Variants in STON2 observed in about 807,000 individuals in gnomAD.
The protein encoded by STON2 is stonin-2.
STON2 carries 29 observed loss-of-function variants against 65.7 expected under a neutral mutation model. That is an observed-to-expected ratio of 0.44 (90% CI 0.33 to 0.60). STON2 has a LOEUF of 0.60. Ranked by LOEUF, STON2 falls within the 20% of genes least tolerant of loss-of-function variation. The pLI is 0.03. For missense variants in STON2, 1,054 were observed against 1,118.1 expected (o/e 0.94, Z 0.82); for synonymous variants, 404 against 414.2 (o/e 0.98, Z 0.30).
intron 5 of STON2, among the ~76,000 whole-genome samples, chr14:81,311,660 T>C (rs1392212296): frequency 2.6e-5 from 4 of 152,204 alleles, no homozygotes; most frequent in African/African-American, 7.2e-5. Flanking sequence ...GAGCTGAGAT[T>C]TAACAGAGGC....
chr14:81,435,270 T>C (rs546110613), intron 1 of STON2, among the ~76,000 whole-genome samples: 1 of 152,326 alleles, frequency 6.6e-6, no homozygotes, highest in South Asian at 2.1e-4. Flanking sequence ...TAGCATTTTT[T>C]TCCTTTCAAG....
intron 4 of STON2, among the ~76,000 whole-genome samples, chr14:81,334,657 T>C (rs576605808): frequency 4.6e-5 from 7 of 152,264 alleles, no homozygotes; most frequent in South Asian, 2.1e-4. Flanking sequence ...ATGAAGCACA[T>C]TGGCTGTTGT....
chr14:81,288,617 G>A (rs1189242946), intron 5 of STON2, among the ~76,000 whole-genome samples: 1 of 152,196 alleles, frequency 6.6e-6, no homozygotes, highest in African/African-American at 2.4e-5. Context: ...CTGTACTTAT[G>A]AGCCGATCAA....
At chr14:81,404,807 T>A (rs760019753), upstream of STON2, among the ~76,000 whole-genome samples, 2 of 152,218 alleles carry the variant, frequency 1.3e-5, no homozygotes, top group African/African-American at 2.4e-5. Flanking sequence ...GCACCTGGCC[T>A]CATGGTATAT....
intron 5 of STON2, among the ~76,000 whole-genome samples, chr14:81,285,579 C>T (rs567493080): frequency 1.3e-5 from 2 of 152,298 alleles, no homozygotes; most frequent in East Asian, 1.9e-4. Flanking sequence ...CCACTGCACT[C>T]GGCCTCATGA....
intron 5 of STON2, among the ~76,000 whole-genome samples, chr14:81,297,604 T>C (rs779648949): frequency 3.3e-5 from 5 of 152,214 alleles, no homozygotes; most frequent in Non-Finnish European, 7.3e-5. Flanking sequence ...AAATATGGCA[T>C]GCTATATGAT....
At chr14:81,291,358 A>G (rs1423312366) in intron 5 of STON2, among the ~76,000 whole-genome samples, 1 of 152,218 alleles carries the variant, frequency 6.6e-6, no homozygotes, top group African/African-American at 2.4e-5. Context: ...TAAAGGAAGT[A>G]TTAAGTCATG....
chr14:81,426,956 G>T (rs1388369602), intron 2 of STON2: 5 of 152,114 alleles, frequency 3.3e-5, no homozygotes, highest in Admixed American at 3.3e-4. Flanking sequence ...AAACACTTAC[G>T]TAACACTTCT....
At chr14:81,353,154 TAAG>T (rs1898089823) in intron 4 of STON2, among the ~76,000 whole-genome samples, 1 of 152,066 alleles carries the variant, frequency 6.6e-6, no homozygotes, top group African/African-American at 2.4e-5. Flanking sequence ...AAAATTCAAA[TAAG>T]AACAGGAAAA....
At chr14:81,317,966 T>C (rs1035423354) in intron 5 of STON2, among the ~76,000 whole-genome samples, 1 of 150,844 alleles carries the variant, frequency 6.6e-6, no homozygotes, top group East Asian at 1.9e-4. Flanking sequence ...TATTTTTTTA[T>C]TTTGGGGGTG....
intron 4 of STON2, among the ~76,000 whole-genome samples, chr14:81,339,929 T>C (rs745941257): frequency 9.9e-5 from 15 of 151,838 alleles, no homozygotes; most frequent in Non-Finnish European, 1.9e-4. Flanking sequence ...CCAAGGCAGG[T>C]AGATCACGAG....
At chr14:81,280,911 G>A (rs1294984735) in intron 5 of STON2, among the ~76,000 whole-genome samples, 8 of 151,616 alleles carry the variant, frequency 5.3e-5, no homozygotes, top group African/African-American at 1.5e-4. Flanking sequence ...TTCGGGAGGC[G>A]GAGGCAGGAG....
At chr14:81,340,610 G>C (rs1217297405) in intron 4 of STON2, among the ~76,000 whole-genome samples, 3 of 152,170 alleles carry the variant, frequency 2.0e-5, no homozygotes, top group Admixed American at 6.5e-5. Context: ...AGTAAGCTGT[G>C]GCCAGGCCCT....
intron 4 of STON2, among the ~76,000 whole-genome samples, chr14:81,328,355 G>A (rs1180467799): frequency 6.6e-6 from 1 of 152,138 alleles, no homozygotes; most frequent in African/African-American, 2.4e-5. Context: ...GAATGGAAAA[G>A]GGCATGATTT....
chr14:81,419,132 G>A (rs893706209), intron 2 of STON2, among the ~76,000 whole-genome samples: 1 of 151,952 alleles, frequency 6.6e-6, no homozygotes, highest in Non-Finnish European at 1.5e-5. Context: ...ATTTTAAAGA[G>A]GGAATATTAA....
intron 2 of STON2, among the ~76,000 whole-genome samples, chr14:81,397,075 C>A (rs558985912): frequency 3.2e-4 from 48 of 152,110 alleles, no homozygotes; most frequent in African/African-American, 8.4e-4. Flanking sequence ...ACAACAACAA[C>A]AAAAAAACTA....
chr14:81,363,083 C>A (rs1898566096), intron 4 of STON2, among the ~76,000 whole-genome samples: 1 of 152,222 alleles, frequency 6.6e-6, no homozygotes, highest in Non-Finnish European at 1.5e-5. Context: ...GTATACCAGG[C>A]ACAGGGCAGG....
chr14:81,386,617 C>T (rs930959736), intron 3 of STON2, among the ~76,000 whole-genome samples: 9 of 152,070 alleles, frequency 5.9e-5, no homozygotes, highest in African/African-American at 2.2e-4. Context: ...ACAAAAGTTC[C>T]GGAAATGAAA....
Position 81,265,486 on chromosome 14 carries a change from C to T in STON2, c.*2928G>A. 1.0e-5 allele frequency: 4 copies of T among 394,516 alleles called. No individual in the cohort carries two copies. The highest frequency in any genetic ancestry group is 1.4e-5 in the Non-Finnish European group (4 of 290,344). The allele number at this position is 394,516 out of a possible 1,614,324, so 24.4% of individuals were successfully genotyped here. A position where few individuals can be genotyped will look rare whatever the true frequency, so the allele number is the denominator to read the frequency against. On this transcript the variant is annotated 3_prime_UTR_variant, in exon 8 of 8. Coordinates refer to ENST00000614646, the MANE Select transcript of STON2 (RefSeq NM_001394390.1). ...CCTGGCCAACATGGTGAAACCCCAT[C>T]TCTACTAAAAATACATAAATTAGTG...
Sources: gnomAD v4.1 joint callset for allele counts (sites outside exome capture counted in the v4.1 genomes callset) on GRCh38, gnomAD v4.1.1 for gene constraint, MANE v1.5 for transcripts, NCBI Gene and HGNC (gene_info 2026-07-23, HGNC 2026-07-21) for gene names.